TENM4: variants seen among roughly 807,000 people sequenced by gnomAD.
TENM4 encodes teneurin transmembrane protein 4, also known as teneurin-4.
A neutral mutation model predicts 243.3 loss-of-function variants in TENM4; 82 were observed. The observed-to-expected ratio is 0.34, with a 90% CI of 0.28 to 0.40. The LOEUF (loss-of-function observed/expected upper bound fraction) is 0.40, where lower values mean the gene tolerates loss of function less well. Ranked by LOEUF, TENM4 falls within the 10% of genes least tolerant of loss-of-function variation. The probability of loss-of-function intolerance (pLI) is 1.00; values close to 1 mark genes in which losing one functional copy is unlikely to be tolerated. For missense variants in TENM4, 3,138 were observed against 3,673.3 expected (o/e 0.85, Z 3.77); for synonymous variants, 1,412 against 1,456.3 (o/e 0.97, Z 0.69).
chr11:79,196,559 C>T (rs981886063), intron 3 of TENM4, among the ~76,000 whole-genome samples: 4 of 152,082 alleles, frequency 2.6e-5, no homozygotes, highest in East Asian at 1.9e-4. Context: ...GAGGAGTCAG[C>T]CCCCGGCTGG....
At chr11:78,868,256 G>GTATTTA in intron 9 of TENM4, among the ~76,000 whole-genome samples, 1 of 152,148 alleles carries the variant, frequency 6.6e-6, no homozygotes, top group East Asian at 1.9e-4. Context: ...TCTGCAGTGT[G>GTATTTA]TATTTATAAC....
chr11:79,147,766 C>T (rs753677294), intron 4 of TENM4, among the ~76,000 whole-genome samples: 1 of 152,060 alleles, frequency 6.6e-6, no homozygotes, highest in Admixed American at 6.6e-5. Context: ...TTGGCATCCT[C>T]ATTTAACAAA....
At chr11:78,931,770 G>T (rs1300773242) in intron 6 of TENM4, among the ~76,000 whole-genome samples, 1 of 152,180 alleles carries the variant, frequency 6.6e-6, no homozygotes. Context: ...GGCTAGGTGT[G>T]AATTCAATTC....
chr11:79,407,523 A>G (rs1276065483), intron 1 of TENM4, among the ~76,000 whole-genome samples: 1 of 152,238 alleles, frequency 6.6e-6, no homozygotes, highest in Non-Finnish European at 1.5e-5. Flanking sequence ...AGGCTTACAG[A>G]GGTTAAGTAA....
intron 28 of TENM4, among the ~76,000 whole-genome samples, chr11:78,690,224 G>T (rs566539797): frequency 6.6e-6 from 1 of 152,322 alleles, no homozygotes; most frequent in South Asian, 2.1e-4. Flanking sequence ...ACGGCGGCTA[G>T]GAAGGAGGGT....
At chr11:78,932,082 C>G (rs568589531) in intron 6 of TENM4, among the ~76,000 whole-genome samples, 3 of 152,168 alleles carry the variant, frequency 2.0e-5, no homozygotes, top group Non-Finnish European at 2.9e-5. Flanking sequence ...GGCTGCCTGG[C>G]ACATGGTAAA....
chr11:79,200,823 A>C (rs963768973), intron 3 of TENM4, among the ~76,000 whole-genome samples: 20 of 152,178 alleles, frequency 1.3e-4, no homozygotes, highest in Admixed American at 1.3e-3. Context: ...CTAGGGGATT[A>C]TTATGCCCTG....
chr11:79,113,719 C>A (rs1166546594), intron 4 of TENM4, among the ~76,000 whole-genome samples: 7 of 152,102 alleles, frequency 4.6e-5, no homozygotes, highest in Non-Finnish European at 8.8e-5. Flanking sequence ...CATTGGGAAC[C>A]CTGGCCCTGC....
intron 3 of TENM4, among the ~76,000 whole-genome samples, chr11:79,205,023 C>T (rs1438312796): frequency 6.6e-6 from 1 of 152,144 alleles, no homozygotes; most frequent in Non-Finnish European, 1.5e-5. Flanking sequence ...TGGGAATGAG[C>T]AATACTAAAT....
intron 18 of TENM4, among the ~76,000 whole-genome samples, chr11:78,766,896 G>T (rs1478164893): frequency 1.4e-4 from 22 of 152,068 alleles, no homozygotes; most frequent in African/African-American, 5.3e-4. Context: ...TACAGATGGG[G>T]TTTCGCCATG....
chr11:78,777,672 G>C (rs1021535074), intron 17 of TENM4, among the ~76,000 whole-genome samples: 1 of 152,084 alleles, frequency 6.6e-6, no homozygotes, highest in African/African-American at 2.4e-5. Context: ...ACTTGCCCAA[G>C]GTCACTTAGT....
chr11:79,351,756 A>G (rs1459233495), intron 1 of TENM4, among the ~76,000 whole-genome samples: 2 of 152,196 alleles, frequency 1.3e-5, no homozygotes, highest in Non-Finnish European at 2.9e-5. Context: ...TCTCTGTGGA[A>G]TAAACATCCA....
chr11:78,914,118 ACTATTCCCAGCCTTG>A (rs1347826458), intron 6 of TENM4, among the ~76,000 whole-genome samples: 1 of 152,226 alleles, frequency 6.6e-6, no homozygotes. Flanking sequence ...AGATGGAAGA[ACTATTCCCAGCCTTG>A]CCTTTAACTC....
chr11:78,750,689 T>C (rs1856168148), intron 19 of TENM4, among the ~76,000 whole-genome samples: 1 of 152,218 alleles, frequency 6.6e-6, no homozygotes, highest in Non-Finnish European at 1.5e-5. Flanking sequence ...CATTGATTTA[T>C]TCTATCATTC....
intron 3 of TENM4, among the ~76,000 whole-genome samples, chr11:79,161,910 C>T (rs1474398597): frequency 6.6e-6 from 1 of 152,156 alleles, no homozygotes; most frequent in African/African-American, 2.4e-5. Context: ...TAATCCACAG[C>T]ACAACATGGA....
intron 6 of TENM4, among the ~76,000 whole-genome samples, chr11:78,987,171 G>A (rs1857937930): frequency 1.3e-5 from 2 of 152,106 alleles, no homozygotes; most frequent in Non-Finnish European, 1.5e-5. Flanking sequence ...TCTACTTGGT[G>A]GTGCTGATGA....
intron 13 of TENM4, among the ~76,000 whole-genome samples, chr11:78,812,967 A>G (rs1333467219): frequency 2.0e-5 from 3 of 152,220 alleles, no homozygotes; most frequent in Non-Finnish European, 4.4e-5. Context: ...GAAAGTACTT[A>G]CCAGTCTTAT....
intron 7 of TENM4, among the ~76,000 whole-genome samples, chr11:78,894,265 G>A (rs947199881): frequency 3.9e-5 from 6 of 152,268 alleles, no homozygotes; most frequent in Middle Eastern, 6.8e-3. Context: ...TGGCTGCATG[G>A]CATGCTCCCT....
intron 2 of TENM4, among the ~76,000 whole-genome samples, chr11:79,297,284 A>G (rs1471864924): frequency 1.3e-5 from 2 of 152,192 alleles, no homozygotes; most frequent in Non-Finnish European, 2.9e-5. Flanking sequence ...TCAACTCCAC[A>G]CTGGGAGCAA....
Sources: allele counts gnomAD v4.1 joint callset (sites outside exome capture counted in the v4.1 genomes callset), GRCh38; gene constraint gnomAD v4.1.1; transcripts MANE v1.5; gene names NCBI Gene and HGNC (gene_info 2026-07-23, HGNC 2026-07-21).